FRMD4A: variants seen among roughly 807,000 people sequenced by gnomAD.
FRMD4A encodes the protein FERM domain-containing protein 4A.
In FRMD4A, 29 loss-of-function variants were observed where a neutral mutation model predicts 129.1. That is an observed-to-expected ratio of 0.22 (90% confidence interval 0.17 to 0.31). The LOEUF is 0.31. Ranked by LOEUF, FRMD4A falls within the 10% of genes least tolerant of loss-of-function variation. FRMD4A has a pLI of 1.00. For synonymous variants in FRMD4A, 634 were observed against 571.6 expected, an observed-to-expected ratio of 1.11 and a Z score of -1.56; for missense variants, 1,272 against 1,375.8, an observed-to-expected ratio of 0.92 and a Z score of 1.19.
At chr10:14,005,812 C>T (rs1005993330) in intron 2 of FRMD4A, among the ~76,000 whole-genome samples, 3 of 152,174 alleles carry the variant, frequency 2.0e-5, no homozygotes, top group Admixed American at 6.5e-5. Context: ...GCCTTGGTTT[C>T]CCTGTTTATA....
At chr10:14,303,036 G>A (rs1163384481) in intron 2 of FRMD4A, among the ~76,000 whole-genome samples, 1 of 152,192 alleles carries the variant, frequency 6.6e-6, no homozygotes, top group Non-Finnish European at 1.5e-5. Context: ...CAATGTCAAT[G>A]CAAGATGCCA....
At chr10:14,322,562 ATG>A (rs1843103647) in intron 2 of FRMD4A, among the ~76,000 whole-genome samples, 1 of 152,212 alleles carries the variant, frequency 6.6e-6, no homozygotes, top group Non-Finnish European at 1.5e-5. Flanking sequence ...ACTTGGAAAG[ATG>A]AATTGGATCT....
chr10:13,901,438 T>C (rs954368498), intron 2 of FRMD4A, among the ~76,000 whole-genome samples: 3 of 151,908 alleles, frequency 2.0e-5, no homozygotes, highest in Non-Finnish European at 4.4e-5. Flanking sequence ...TGGTGAAACC[T>C]GTCTCTACAA....
chr10:13,801,911 T>C (rs2093263070), intron 4 of FRMD4A, among the ~76,000 whole-genome samples: 1 of 151,542 alleles, frequency 6.6e-6, no homozygotes, highest in Non-Finnish European at 1.5e-5. Flanking sequence ...CTTAATACAG[T>C]TTAACTAAGA....
intron 2 of FRMD4A, among the ~76,000 whole-genome samples, chr10:14,163,206 T>C (rs7358074): frequency 0.34 from 51,045 of 152,144 alleles, 9,848 homozygotes; most frequent in East Asian, 0.54. Flanking sequence ...CTGGTTTCTC[T>C]AGTGTTAAAG....
At chr10:14,162,847 A>C (rs1840980142) in intron 2 of FRMD4A, among the ~76,000 whole-genome samples, 1 of 152,096 alleles carries the variant, frequency 6.6e-6, no homozygotes, top group African/African-American at 2.4e-5. Flanking sequence ...AGCCTTACCC[A>C]AGAGCAATGC....
At chr10:13,914,328 A>G (rs1353512938) in intron 2 of FRMD4A, among the ~76,000 whole-genome samples, 8 of 152,250 alleles carry the variant, frequency 5.3e-5, no homozygotes, top group Admixed American at 4.6e-4. Flanking sequence ...CTGAAATAAT[A>G]TATCAAGTTA....
chr10:14,136,880 T>A (rs376149344), intron 2 of FRMD4A, among the ~76,000 whole-genome samples: 40 of 152,358 alleles, frequency 2.6e-4, no homozygotes, highest in Middle Eastern at 3.4e-3. Context: ...CTAAATGGAC[T>A]GAGACCTGTC....
chr10:13,684,446 C>T (rs1281895510), intron 15 of FRMD4A: 6 of 985,136 alleles, frequency 6.1e-6, no homozygotes, highest in Admixed American at 6.2e-5. Flanking sequence ...AGCTTCCAGC[C>T]GGGGAACTCC....
At chr10:14,145,339 A>G (rs949724088) in intron 2 of FRMD4A, among the ~76,000 whole-genome samples, 3 of 152,206 alleles carry the variant, frequency 2.0e-5, no homozygotes, top group Non-Finnish European at 2.9e-5. Context: ...TAATGTATAC[A>G]ATTAACTAAT....
intron 2 of FRMD4A, among the ~76,000 whole-genome samples, chr10:14,144,326 G>A (rs1839977557): frequency 6.6e-6 from 1 of 152,156 alleles, no homozygotes; most frequent in South Asian, 2.1e-4. Context: ...GAGGAGAGGG[G>A]AGTGGAGGAG....
intron 2 of FRMD4A, among the ~76,000 whole-genome samples, chr10:14,325,350 C>A (rs1221018619): frequency 6.6e-6 from 1 of 152,182 alleles, no homozygotes; most frequent in Non-Finnish European, 1.5e-5. Flanking sequence ...TCCAACTGGC[C>A]TTTCTGATCT....
chr10:13,894,946 C>T (rs1230547759), intron 2 of FRMD4A, among the ~76,000 whole-genome samples: 1 of 152,204 alleles, frequency 6.6e-6, no homozygotes, highest in Non-Finnish European at 1.5e-5. Context: ...CTCTGTGCCT[C>T]AGTTGAGAAC....
intron 24 of FRMD4A, chr10:13,651,362 C>CT (rs1464782654): frequency 1.3e-5 from 2 of 152,842 alleles, no homozygotes; most frequent in African/African-American, 4.8e-5. Context: ...TGATGCTGTT[C>CT]TTTTCAGGGA....
intron 2 of FRMD4A, among the ~76,000 whole-genome samples, chr10:14,199,310 A>G (rs894923195): frequency 3.4e-5 from 5 of 148,872 alleles, no homozygotes; most frequent in Non-Finnish European, 7.4e-5. Flanking sequence ...TTATTTATTT[A>G]TTTATTTATT....
chr10:13,936,841 G>T (rs2095253002), intron 2 of FRMD4A, among the ~76,000 whole-genome samples: 1 of 152,148 alleles, frequency 6.6e-6, no homozygotes, highest in Non-Finnish European at 1.5e-5. Flanking sequence ...ATTCTACATT[G>T]ATTTTTTAAA....
At chr10:14,319,411 G>C (rs1278238325) in intron 2 of FRMD4A, among the ~76,000 whole-genome samples, 1 of 123,202 alleles carries the variant, frequency 8.1e-6, no homozygotes, top group African/African-American at 3.0e-5. Context: ...CAGCCACCTT[G>C]TGAGGTTTAG....
intron 2 of FRMD4A, among the ~76,000 whole-genome samples, chr10:14,229,747 A>G (rs1269934641): frequency 6.6e-6 from 1 of 152,194 alleles, no homozygotes; most frequent in Non-Finnish European, 1.5e-5. Context: ...CAACCCACAC[A>G]CACATTTTTA....
chr10:13,873,671 C>A (rs556466839), intron 2 of FRMD4A, among the ~76,000 whole-genome samples: 2 of 152,218 alleles, frequency 1.3e-5, no homozygotes, highest in Non-Finnish European at 2.9e-5. Flanking sequence ...CTCAGCCTCC[C>A]GAGCAGCTGA....
Sources: gnomAD v4.1 joint callset for allele counts (sites outside exome capture counted in the v4.1 genomes callset) on GRCh38, gnomAD v4.1.1 for gene constraint, MANE v1.5 for transcripts, NCBI Gene and HGNC (gene_info 2026-07-23, HGNC 2026-07-21) for gene names.